The following NELL2 variants were observed in gnomAD, a reference collection of about 807,000 sequenced individuals.
NELL2 encodes neural EGFL like 2.
NELL2 carries 41 observed loss-of-function variants against 109.6 expected under a neutral mutation model. The ratio of observed to expected loss-of-function variants is 0.37; its 90% CI spans 0.29 to 0.49. The LOEUF (loss-of-function observed/expected upper bound fraction) is 0.49, where lower values mean the gene tolerates loss of function less well. Among genes scored for constraint, NELL2 ranks in the 20% least tolerant of loss-of-function variants. The pLI is 0.98. For synonymous variants in NELL2, 355 were observed against 344.7 expected, an observed-to-expected ratio of 1.03 and a Z score of -0.33; for missense variants, 900 against 1,008.3, an observed-to-expected ratio of 0.89 and a Z score of 1.45.
intron 16 of NELL2, among the ~76,000 whole-genome samples, chr12:44,526,016 C>T (rs978023582): frequency 2.0e-5 from 3 of 152,142 alleles, no homozygotes; most frequent in Non-Finnish European, 4.4e-5. Context: ...GCTGGTATGA[C>T]TGGAATGTTC....
intron 13 of NELL2, among the ~76,000 whole-genome samples, chr12:44,640,107 C>T (rs899298912): frequency 6.6e-6 from 1 of 152,076 alleles, no homozygotes; most frequent in Admixed American, 6.6e-5. Context: ...CATAGTTTAC[C>T]ACTAAAGGCT....
intron 16 of NELL2, among the ~76,000 whole-genome samples, chr12:44,524,424 C>CAAGA (rs1229757448): frequency 2.6e-5 from 4 of 152,026 alleles, no homozygotes; most frequent in Non-Finnish European, 2.9e-5. Context: ...GAGTAAAGGT[C>CAAGA]AAGAAAGAAA....
At chr12:44,564,385 A>C (rs1943579341) in intron 15 of NELL2, among the ~76,000 whole-genome samples, 1 of 152,226 alleles carries the variant, frequency 6.6e-6, no homozygotes, top group African/African-American at 2.4e-5. Flanking sequence ...AGGGAAAGCG[A>C]AACGGTATAA....
chr12:44,885,250 G>C (rs538603565), intron 1 of NELL2, among the ~76,000 whole-genome samples: 1 of 151,870 alleles, frequency 6.6e-6, no homozygotes, highest in African/African-American at 2.4e-5. Flanking sequence ...CTGCACTCCA[G>C]CCTGGGAGAT....
At chr12:44,672,606 A>C (rs1355149012) in intron 12 of NELL2, among the ~76,000 whole-genome samples, 1 of 152,200 alleles carries the variant, frequency 6.6e-6, no homozygotes, top group Non-Finnish European at 1.5e-5. Context: ...TGTGTGAAAT[A>C]CCTCAGATAT....
chr12:44,842,445 A>G (rs1484174581), intron 2 of NELL2, among the ~76,000 whole-genome samples: 1 of 152,232 alleles, frequency 6.6e-6, no homozygotes, highest in Non-Finnish European at 1.5e-5. Flanking sequence ...AAATCAATTC[A>G]AAATGTATTA....
chr12:44,793,892 G>A (rs1486821511), intron 3 of NELL2, among the ~76,000 whole-genome samples: 1 of 152,136 alleles, frequency 6.6e-6, no homozygotes, highest in African/African-American at 2.4e-5. Context: ...TATGAATACA[G>A]GAAACTACCT....
chr12:44,585,006 C>T (rs1286121485), intron 15 of NELL2, among the ~76,000 whole-genome samples: 3 of 151,972 alleles, frequency 2.0e-5, no homozygotes, highest in Non-Finnish European at 4.4e-5. Context: ...TTTGTCCAAA[C>T]AGTCTTGAAA....
At chr12:44,727,318 G>A (rs950232433) in intron 9 of NELL2, among the ~76,000 whole-genome samples, 8 of 152,156 alleles carry the variant, frequency 5.3e-5, no homozygotes, top group African/African-American at 1.7e-4. Flanking sequence ...AGGATTACTG[G>A]TGTAGACTCA....
chr12:44,920,284 C>A (rs1945859415), intron 1 of NELL2, among the ~76,000 whole-genome samples: 2 of 151,966 alleles, frequency 1.3e-5, no homozygotes, highest in Admixed American at 6.6e-5. Context: ...AGAAGAGAAT[C>A]CATTTGGACA....
At chr12:44,676,180 G>A (rs1165206889) in intron 12 of NELL2, among the ~76,000 whole-genome samples, 1 of 152,030 alleles carries the variant, frequency 6.6e-6, no homozygotes, top group Non-Finnish European at 1.5e-5. Context: ...GCTAAGTCTT[G>A]ACTCACCAGC....
chr12:44,689,453 AAG>A (rs1464620861), intron 12 of NELL2, among the ~76,000 whole-genome samples: 2 of 152,146 alleles, frequency 1.3e-5, no homozygotes, highest in Non-Finnish European at 2.9e-5. Flanking sequence ...TACTAAATGT[AAG>A]AGTTTTTCCT....
In NELL2 at chr12:44,688,542, A is replaced by C. The variant is rs1948800882; in HGVS notation, c.1318+15184T>G. On this transcript the variant is annotated intron_variant, in intron 12 of 19. Transcript: ENST00000429094. Reference sequence around the variant, plus strand: ...ATGTCCCCCATTTTAATAGACGAGGAGGCTGAGGCTCTGAGATGTTAAACA... The same window carrying C: ...ATGTCCCCCATTTTAATAGACGAGGCGGCTGAGGCTCTGAGATGTTAAACA... Among the ~76,000 whole-genome samples the C allele has an allele frequency of 2.0e-5, 3 of 152,208 alleles. No individual in the cohort carries two copies. The South Asian group carries it at 6.2e-4, about 31-fold the overall frequency.
chr12:44,669,501 G>C (rs532294359), intron 12 of NELL2, among the ~76,000 whole-genome samples: 28 of 151,728 alleles, frequency 1.8e-4, no homozygotes, highest in Non-Finnish European at 1.5e-5. Flanking sequence ...AAGAAATCAG[G>C]GAAACAAGTC....
chr12:44,552,651 C>T (rs1943084219), intron 15 of NELL2, among the ~76,000 whole-genome samples: 1 of 152,016 alleles, frequency 6.6e-6, no homozygotes. Context: ...ATAGAATTCT[C>T]CACAAAGAAA....
At chr12:44,635,917 C>G (rs1033135490) in intron 13 of NELL2, among the ~76,000 whole-genome samples, 12 of 152,164 alleles carry the variant, frequency 7.9e-5, no homozygotes, top group African/African-American at 2.9e-4. Context: ...TATCCATGAG[C>G]ATGGAATGTT....
At chr12:44,744,167 C>T (rs1328899682) in intron 9 of NELL2, among the ~76,000 whole-genome samples, 3 of 152,122 alleles carry the variant, frequency 2.0e-5, no homozygotes, top group Admixed American at 6.5e-5. Flanking sequence ...CGCTCAACTA[C>T]ATGGAAACTG....
intron 12 of NELL2, among the ~76,000 whole-genome samples, chr12:44,686,364 C>T (rs961780038): frequency 6.6e-6 from 1 of 152,120 alleles, no homozygotes; most frequent in Non-Finnish European, 1.5e-5. Flanking sequence ...GTTTGAATGT[C>T]CTCCCGTAGC....
intron 9 of NELL2, among the ~76,000 whole-genome samples, chr12:44,718,020 A>T (rs541867777): frequency 6.6e-6 from 1 of 152,224 alleles, no homozygotes; most frequent in African/African-American, 2.4e-5. Flanking sequence ...GTTTACCAGG[A>T]TAGCTTGCTC....
Sources: allele counts gnomAD v4.1 joint callset (sites outside exome capture counted in the v4.1 genomes callset), GRCh38; gene constraint gnomAD v4.1.1; transcripts MANE v1.5; gene names NCBI Gene and HGNC (gene_info 2026-07-23, HGNC 2026-07-21).